The following IL6R variants were observed in gnomAD, a reference collection of about 807,000 sequenced individuals.
The protein encoded by IL6R is interleukin 6 receptor.
IL6R carries 38 observed loss-of-function variants against 48.3 expected under a neutral mutation model. The observed-to-expected ratio is 0.79, with a 90% confidence interval of 0.61 to 1.03. IL6R has a LOEUF of 1.03. Among genes scored for constraint, IL6R ranks in the 50% least tolerant of loss-of-function variants. The pLI is 0.00. For synonymous variants in IL6R, 264 were observed against 256.2 expected, an observed-to-expected ratio of 1.03 and a Z score of -0.29; for missense variants, 534 against 618.3, an observed-to-expected ratio of 0.86 and a Z score of 1.45.
At chr1:154,451,624 C>T (rs1281671533) in intron 8 of IL6R, among the ~76,000 whole-genome samples, 1 of 151,926 alleles carries the variant, frequency 6.6e-6, no homozygotes, top group Non-Finnish European at 1.5e-5. Flanking sequence ...TTTTTTGAGA[C>T]GGAGTCTCGT....
chr1:154,440,363 C>T (rs1032886824), intron 6 of IL6R, among the ~76,000 whole-genome samples: 6 of 152,194 alleles, frequency 3.9e-5, no homozygotes, highest in African/African-American at 7.2e-5. Flanking sequence ...GCTATGAACA[C>T]GGGTGTAAAA....
At chr1:154,410,317 T>A (rs1294435584) in intron 1 of IL6R, among the ~76,000 whole-genome samples, 1 of 151,654 alleles carries the variant, frequency 6.6e-6, no homozygotes, top group East Asian at 1.9e-4. Context: ...AGTGGCACAA[T>A]CACTGCTCAC....
At chr1:154,434,192 G>A (rs1689473647) in intron 3 of IL6R, among the ~76,000 whole-genome samples, 1 of 151,768 alleles carries the variant, frequency 6.6e-6, no homozygotes. Flanking sequence ...AATTTGCTGG[G>A]CACGCTCAGG....
chr1:154,408,151 ACCTAGGAGTGAGG>A (rs891590909), intron 1 of IL6R, among the ~76,000 whole-genome samples: 7 of 151,998 alleles, frequency 4.6e-5, no homozygotes, highest in African/African-American at 1.7e-4. Flanking sequence ...AAATAAGAAC[ACCTAGGAGTGAGG>A]CCTGGGGCAT....
At chr1:154,443,040 C>T (rs1690026811) in intron 6 of IL6R, among the ~76,000 whole-genome samples, 2 of 152,192 alleles carry the variant, frequency 1.3e-5, no homozygotes, top group South Asian at 2.1e-4. Context: ...AGCCATGAGC[C>T]ACTGTGCCAG....
chr1:154,430,719 C>A, intron 3 of IL6R, 113 bp downstream of exon 3: 2 of 1,379,920 alleles, frequency 1.4e-6, no homozygotes, highest in Non-Finnish European at 2.0e-6. Flanking sequence ...TTAATTCCTT[C>A]AGGCTGAGGA....
intron 3 of IL6R, among the ~76,000 whole-genome samples, chr1:154,431,477 GTTTAA>G (rs1689291624): frequency 6.6e-6 from 1 of 152,172 alleles, no homozygotes; most frequent in Non-Finnish European, 1.5e-5. Context: ...ACTTATGATA[GTTTAA>G]TTTATAAATT....
At chr1:154,419,748 C>T (rs1321530786) in intron 1 of IL6R, among the ~76,000 whole-genome samples, 2 of 152,186 alleles carry the variant, frequency 1.3e-5, no homozygotes, top group Admixed American at 6.5e-5. Flanking sequence ...GCAAGAGCTG[C>T]GGCAAGCTGC....
At chr1:154,424,737 C>T (rs1457134631) in intron 1 of IL6R, among the ~76,000 whole-genome samples, 1 of 152,176 alleles carries the variant, frequency 6.6e-6, no homozygotes. Context: ...AAACTGCTGC[C>T]TCCATCAGGT....
chr1:154,444,905 C>T (rs1307917013), intron 6 of IL6R: 1 of 374,116 alleles, frequency 2.7e-6, no homozygotes, highest in Non-Finnish European at 5.4e-6. Context: ...CCTGTCTTAA[C>T]AACAAAAAGA....
In IL6R at chr1:154,461,482, G is replaced by A. The variant is rs966800288; in HGVS notation, c.1161-3652G>A. Among the ~76,000 whole-genome samples the A allele has an allele frequency of 2.6e-5, 4 of 152,276 alleles. No homozygotes were observed. In the South Asian group the frequency reaches 8.3e-4, roughly 32 times the overall value. On this transcript the variant is annotated intron_variant, in intron 9 of 9. Coordinates refer to ENST00000368485, the MANE Select transcript of IL6R (RefSeq NM_000565.4). ...GCGGCCCTTATGCCGGCATGACAGAGGGTTCACCTCTTGCCTTCTAGGTCA... is the reference window on the plus strand; with the variant it reads ...GCGGCCCTTATGCCGGCATGACAGAAGGTTCACCTCTTGCCTTCTAGGTCA...
At chr1:154,433,150 T>G (rs1469369575) in intron 3 of IL6R, among the ~76,000 whole-genome samples, 1 of 152,022 alleles carries the variant, frequency 6.6e-6, no homozygotes, top group African/African-American at 2.4e-5. Flanking sequence ...TGGGTGGTGT[T>G]GGGGGAAGGA....
At chr1:154,450,482 T>C (rs937339925) in intron 8 of IL6R, among the ~76,000 whole-genome samples, 3 of 152,202 alleles carry the variant, frequency 2.0e-5, no homozygotes, top group African/African-American at 7.2e-5. Flanking sequence ...TAAGATATAA[T>C]GAGGAGACCG....
intron 9 of IL6R, among the ~76,000 whole-genome samples, chr1:154,462,755 G>A (rs942149859): frequency 4.6e-5 from 7 of 151,894 alleles, no homozygotes; most frequent in Admixed American, 4.6e-4. Context: ...CTAATTGGTG[G>A]CACCCAAACA....
intron 6 of IL6R, among the ~76,000 whole-genome samples, chr1:154,437,123 G>A (rs560715550): frequency 2.6e-5 from 4 of 152,284 alleles, no homozygotes; most frequent in African/African-American, 9.6e-5. Context: ...TTGAGACGGA[G>A]TCTCACTCTG....
rs540136637 is a variant in IL6R at position 154,417,184 on chromosome 1, G to A, written c.85+11470G>A. Among the ~76,000 whole-genome samples the A allele has an allele frequency of 4.6e-5, 7 of 152,288 alleles. No individual in the cohort carries two copies. In the South Asian group the frequency reaches 1.5e-3, roughly 32 times the overall value. ...TCTGAGACTGTGCTCAGAGATAGAAGACAAGACCCCTAGGCCATGCTTCTG... is the reference window on the plus strand; with the variant it reads ...TCTGAGACTGTGCTCAGAGATAGAAAACAAGACCCCTAGGCCATGCTTCTG... On this transcript the variant is annotated intron_variant, in intron 1 of 9. Coordinates refer to ENST00000368485, the MANE Select transcript of IL6R (RefSeq NM_000565.4).
intron 6 of IL6R, among the ~76,000 whole-genome samples, chr1:154,443,276 C>T (rs1349138955): frequency 2.0e-5 from 3 of 152,214 alleles, no homozygotes; most frequent in East Asian, 1.9e-4. Flanking sequence ...TCCAGCTACA[C>T]GTTATCTTCT....
In IL6R at chr1:154,458,111, C is replaced by T. The variant is rs1447732224; in HGVS notation, c.1160+3530C>T. Among the ~76,000 whole-genome samples, 12 of 151,964 alleles carry T rather than the reference C, an allele frequency of 7.9e-5. No homozygotes were observed. The South Asian group carries it at 1.2e-3, about 16-fold the overall frequency. ...CCTCCCGAGTAGGTGGGACTACAGG[C>T]GCCCACCACCACGCCTGGCTAATTT... is the stretch of plus-strand genomic sequence containing the variant. On this transcript the variant is annotated intron_variant, in intron 9 of 9. Coordinates refer to ENST00000368485, the MANE Select transcript of IL6R (RefSeq NM_000565.4).
At chr1:154,437,952 G>T (rs764869199) in intron 6 of IL6R, among the ~76,000 whole-genome samples, 8 of 151,308 alleles carry the variant, frequency 5.3e-5, no homozygotes, top group Admixed American at 2.0e-4. Flanking sequence ...CTGACCTCGT[G>T]ATCCACCCGC....
Sources: allele counts gnomAD v4.1 joint callset (sites outside exome capture counted in the v4.1 genomes callset), GRCh38; gene constraint gnomAD v4.1.1; transcripts MANE v1.5; gene names NCBI Gene and HGNC (gene_info 2026-07-23, HGNC 2026-07-21).